The following GULP1 variants were observed in gnomAD, a reference collection of about 807,000 sequenced individuals.
GULP1 encodes the protein GULP PTB domain containing engulfment adaptor 1.
Under a neutral mutation model 40.9 loss-of-function variants are expected in GULP1, and 19 were observed. The ratio of observed to expected loss-of-function variants is 0.46; its 90% CI spans 0.32 to 0.68. GULP1 has a LOEUF of 0.68. Ranked by LOEUF, GULP1 falls within the 30% of genes least tolerant of loss-of-function variation. The pLI is 0.03. For synonymous variants in GULP1, 119 were observed against 117.6 expected (o/e 1.01, Z -0.08); for missense variants, 312 against 362.2 (o/e 0.86, Z 1.12).
chr2:188,556,005 C>T (rs1166413574), intron 7 of GULP1, among the ~76,000 whole-genome samples: 1 of 150,480 alleles, frequency 6.6e-6, no homozygotes. Flanking sequence ...TTGCAGTGAG[C>T]TAAGATTGCA....
intron 4 of GULP1, among the ~76,000 whole-genome samples, chr2:188,497,986 G>C (rs762577999): frequency 2.0e-5 from 3 of 151,916 alleles, no homozygotes; most frequent in South Asian, 2.1e-4. Context: ...ATTAATGCTA[G>C]ATTTCCACAC....
chr2:188,494,625 G>GAT (rs1375666826), intron 4 of GULP1, among the ~76,000 whole-genome samples: 1 of 151,930 alleles, frequency 6.6e-6, no homozygotes, highest in Non-Finnish European at 1.5e-5. Flanking sequence ...TTCCAGTTCC[G>GAT]ATGCTGCTCC....
chr2:188,381,524 GA>G (rs1471235945), intron 1 of GULP1, among the ~76,000 whole-genome samples: 2 of 151,910 alleles, frequency 1.3e-5, no homozygotes, highest in African/African-American at 4.8e-5. Context: ...CCATTTTAAG[GA>G]AAATATTTTC....
At chr2:188,414,984 T>A (rs1437482228) in intron 2 of GULP1, among the ~76,000 whole-genome samples, 1 of 152,198 alleles carries the variant, frequency 6.6e-6, no homozygotes, top group Admixed American at 6.5e-5. Flanking sequence ...AATAATGTTA[T>A]ATCAAGAGTA....
chr2:188,451,332 A>G (rs75772609), intron 2 of GULP1, among the ~76,000 whole-genome samples: 51 of 152,312 alleles, frequency 3.3e-4, no homozygotes, highest in African/African-American at 1.1e-3. Context: ...ATGTTGCCAC[A>G]TATGGTTTGC....
At chr2:188,463,868 A>G (rs1432876581) in intron 2 of GULP1, among the ~76,000 whole-genome samples, 1 of 151,766 alleles carries the variant, frequency 6.6e-6, no homozygotes, top group African/African-American at 2.4e-5. Flanking sequence ...AATTATTTCA[A>G]TGTCTTTTTT....
At chr2:188,370,902 T>C (rs987305897) in intron 1 of GULP1, among the ~76,000 whole-genome samples, 2 of 152,134 alleles carry the variant, frequency 1.3e-5, no homozygotes, top group Non-Finnish European at 2.9e-5. Context: ...GTTTGATTTT[T>C]GGCAGGGTGG....
rs2049319027 is a variant in GULP1 at position 188,383,873 on chromosome 2, T to C, written c.-61T>C. 6.6e-6 allele frequency: 1 copy of C among 152,216 alleles called. No individual in the cohort carries two copies. The highest frequency in any genetic ancestry group is 1.5e-5 in the Non-Finnish European group (1 of 68,016). The allele number at this position is 152,216 out of a possible 1,614,324, so 9.4% of individuals were successfully genotyped here. On this transcript the variant is annotated 5_prime_UTR_variant, in exon 2 of 12. Transcript: ENST00000409830. ...TCAAGTGTCCATTTTCTTTCAACTA[T>C]ATTTGAGCATACCCAGGTAAGAATA...
At chr2:188,528,503 GA>G (rs922084946) in intron 5 of GULP1, among the ~76,000 whole-genome samples, 42 of 146,820 alleles carry the variant, frequency 2.9e-4, no homozygotes, top group Admixed American at 3.4e-4. Context: ...TGAAAGTATT[GA>G]AAAAAAAAAC....
At chr2:188,405,704 T>C (rs1020369148) in intron 2 of GULP1, among the ~76,000 whole-genome samples, 2 of 152,190 alleles carry the variant, frequency 1.3e-5, no homozygotes, top group African/African-American at 4.8e-5. Context: ...GCCCATTGCA[T>C]TGATGCAGTT....
At chr2:188,529,045 C>T (rs1686890966) in intron 5 of GULP1, 52 bp from the exon 6 acceptor site, 2 of 846,102 alleles carry the variant, frequency 2.4e-6, no homozygotes, top group East Asian at 5.1e-5. Context: ...TATTTTTGTT[C>T]ATTCTTTATA....
At chr2:188,547,116 G>A (rs925489215) in intron 7 of GULP1, among the ~76,000 whole-genome samples, 1 of 150,126 alleles carries the variant, frequency 6.7e-6, no homozygotes, top group Non-Finnish European at 1.5e-5. Flanking sequence ...TCTATAAAAT[G>A]TTTAAACAGG....
intron 1 of GULP1, among the ~76,000 whole-genome samples, chr2:188,380,259 G>T (rs2048847945): frequency 1.3e-5 from 2 of 151,966 alleles, no homozygotes; most frequent in South Asian, 2.1e-4. Flanking sequence ...TGGAACATGG[G>T]GTGAAAACAT....
chr2:188,381,993 C>T (rs2049059758), intron 1 of GULP1, among the ~76,000 whole-genome samples: 1 of 152,126 alleles, frequency 6.6e-6, no homozygotes, highest in South Asian at 2.1e-4. Flanking sequence ...TTATTTTTCA[C>T]TAAAATTATA....
intron 1 of GULP1, among the ~76,000 whole-genome samples, chr2:188,302,432 A>G (rs959103858): frequency 1.3e-5 from 2 of 152,198 alleles, no homozygotes; most frequent in African/African-American, 4.8e-5. Context: ...AACATTAAAT[A>G]TACATAAAGA....
intron 2 of GULP1, among the ~76,000 whole-genome samples, chr2:188,454,366 A>G (rs1172585735): frequency 6.6e-6 from 1 of 152,180 alleles, no homozygotes; most frequent in African/African-American, 2.4e-5. Context: ...TGAGTATGCA[A>G]AAAGGTTAAA....
chr2:188,368,955 A>ATATATATATATATATATATGTGTG (rs2047220193), intron 1 of GULP1, among the ~76,000 whole-genome samples: 4 of 118,012 alleles, frequency 3.4e-5, no homozygotes, highest in Non-Finnish European at 6.5e-5. Context: ...ATATATATAT[A>ATATATATATATATATATATGTGTG]TATATATATA....
intron 1 of GULP1, among the ~76,000 whole-genome samples, chr2:188,316,544 G>T (rs1394429749): frequency 6.6e-6 from 1 of 151,892 alleles, no homozygotes; most frequent in Non-Finnish European, 1.5e-5. Context: ...TGGCCTCATT[G>T]CTCACTGTTC....
intron 5 of GULP1, among the ~76,000 whole-genome samples, chr2:188,526,874 A>C (rs1686289959): frequency 6.6e-6 from 1 of 152,158 alleles, no homozygotes; most frequent in Non-Finnish European, 1.5e-5. Context: ...TACATAGCTT[A>C]TCTGGGACTT....
Sources: gnomAD v4.1 joint callset for allele counts (sites outside exome capture counted in the v4.1 genomes callset) on GRCh38, gnomAD v4.1.1 for gene constraint, MANE v1.5 for transcripts, NCBI Gene and HGNC (gene_info 2026-07-23, HGNC 2026-07-21) for gene names.